Variants in CSMD1 observed in about 807,000 individuals in gnomAD.
CSMD1 encodes the protein CUB and sushi domain-containing protein 1.
CSMD1 carries 213 observed loss-of-function variants against 417.5 expected under a neutral mutation model. The ratio of observed to expected loss-of-function variants is 0.51; its 90% CI spans 0.46 to 0.57. The LOEUF (loss-of-function observed/expected upper bound fraction) is 0.57. Among genes scored for constraint, CSMD1 ranks in the 20% least tolerant of loss-of-function variants. The probability of loss-of-function intolerance (pLI) is 0.00; values close to 1 mark genes in which losing one functional copy is unlikely to be tolerated. For synonymous variants in CSMD1, 2,862 were observed against 1,736.8 expected, an observed-to-expected ratio of 1.65 and a Z score of -16.11; for missense variants, 6,923 against 4,529.7, an observed-to-expected ratio of 1.53 and a Z score of -15.17.
intron 6 of CSMD1, among the ~76,000 whole-genome samples, chr8:3,748,604 T>A (rs763870041): frequency 6.6e-6 from 1 of 152,220 alleles, no homozygotes; most frequent in Non-Finnish European, 1.5e-5. Flanking sequence ...GCCACCAGAA[T>A]CCAGGTATAC....
intron 7 of CSMD1, 108 bp downstream of exon 7, chr8:3,708,306 A>G (rs1256791240): frequency 1.2e-6 from 1 of 802,050 alleles, no homozygotes; most frequent in East Asian, 2.5e-5. Context: ...AAAAGAAGGA[A>G]GAGATAACGT....
intron 3 of CSMD1, among the ~76,000 whole-genome samples, chr8:4,324,007 C>T (rs896204041): frequency 1.3e-5 from 2 of 152,150 alleles, no homozygotes; most frequent in Non-Finnish European, 2.9e-5. Flanking sequence ...CTGGGAATGG[C>T]AGGCACAGCC....
At chr8:4,123,804 T>C (rs1043701101) in intron 3 of CSMD1, among the ~76,000 whole-genome samples, 1 of 152,084 alleles carries the variant, frequency 6.6e-6, no homozygotes, top group African/African-American at 2.4e-5. Context: ...TAAAATATAA[T>C]AGAGAACTAA....
chr8:4,956,500 T>C (rs544353268), intron 1 of CSMD1, among the ~76,000 whole-genome samples: 1 of 148,874 alleles, frequency 6.7e-6, no homozygotes, highest in African/African-American at 2.4e-5. Flanking sequence ...TAAAAATATA[T>C]GTTATCATAT....
chr8:3,645,601 C>G (rs549106198), intron 7 of CSMD1, among the ~76,000 whole-genome samples: 14 of 152,274 alleles, frequency 9.2e-5, no homozygotes, highest in Admixed American at 7.8e-4. Flanking sequence ...AGTCAGCCTT[C>G]TGCAAGGGAT....
At chr8:4,128,061 G>C (rs574622913) in intron 3 of CSMD1, among the ~76,000 whole-genome samples, 5 of 152,298 alleles carry the variant, frequency 3.3e-5, no homozygotes, top group Admixed American at 2.6e-4. Context: ...CTCAAGAGCA[G>C]TGGACAAGAC....
At chr8:3,719,522 G>C (rs75149744) in intron 6 of CSMD1, among the ~76,000 whole-genome samples, 2 of 152,166 alleles carry the variant, frequency 1.3e-5, no homozygotes, top group Non-Finnish European at 2.9e-5. Flanking sequence ...TTACAATGAA[G>C]ACTTTGGGAA....
chr8:4,577,449 C>G (rs777434295), intron 2 of CSMD1, among the ~76,000 whole-genome samples: 2 of 152,270 alleles, frequency 1.3e-5, no homozygotes, highest in South Asian at 2.1e-4. Context: ...CCAACAGGCT[C>G]CCAGCTCCAA....
chr8:4,018,120 A>G lies in CSMD1; in HGVS notation c.610+13785T>C, dbSNP rs146399252. 5.3e-3 allele frequency among the ~76,000 whole-genome samples: 805 copies of G among 152,332 alleles called. 9 individuals carry two copies. The highest frequency in any genetic ancestry group is 0.018 in the African/African-American group (747 of 41,560). ...TATTGTATGGCATAAAGTATCCTAC[A>G]AAGTGTTTTGTGTGTTTTTATGTCT... On this transcript the variant is annotated intron_variant, in intron 4 of 69. Transcript: ENST00000635120.
intron 5 of CSMD1, among the ~76,000 whole-genome samples, chr8:3,885,261 T>C (rs1001597872): frequency 6.6e-6 from 1 of 152,156 alleles, no homozygotes; most frequent in African/African-American, 2.4e-5. Context: ...GAAAAGCCTC[T>C]AGCATCAGAC....
intron 3 of CSMD1, among the ~76,000 whole-genome samples, chr8:4,193,083 G>A (rs953408808): frequency 2.6e-5 from 4 of 152,060 alleles, no homozygotes; most frequent in Non-Finnish European, 5.9e-5. Context: ...CATCTTTTGA[G>A]CAGTGACATG....
chr8:3,288,607 C>T (rs1803325530), intron 25 of CSMD1, among the ~76,000 whole-genome samples: 1 of 147,268 alleles, frequency 6.8e-6, no homozygotes, highest in African/African-American at 2.7e-5. Flanking sequence ...ATAGTATTCT[C>T]TGATGGTAGT....
At chr8:3,731,259 C>T (rs1796235570) in intron 6 of CSMD1, among the ~76,000 whole-genome samples, 1 of 152,228 alleles carries the variant, frequency 6.6e-6, no homozygotes, top group Admixed American at 6.5e-5. Context: ...GTGCATTCTA[C>T]ATTGACCAGC....
chr8:3,481,167 AAAAAAAAAAAAAC>A (rs1424240639), intron 11 of CSMD1, among the ~76,000 whole-genome samples: 1 of 149,222 alleles, frequency 6.7e-6, no homozygotes, highest in Non-Finnish European at 1.5e-5. Flanking sequence ...AAAAAAAAAA[AAAAAAAAAAAAAC>A]CAGAGTAGTT....
At chr8:2,973,824 G>C (rs1001743297) in intron 56 of CSMD1, among the ~76,000 whole-genome samples, 2 of 151,630 alleles carry the variant, frequency 1.3e-5, no homozygotes, top group African/African-American at 4.9e-5. Context: ...TGGTGGTAGA[G>C]GATGATGGTA....
chr8:4,020,950 C>T (rs2554588), intron 4 of CSMD1, among the ~76,000 whole-genome samples: 48,265 of 151,876 alleles, frequency 0.32, 8,801 homozygotes, highest in South Asian at 0.54. Context: ...CACATTGTGA[C>T]GTGGACTTTG....
chr8:3,223,774 C>G lies in CSMD1; in HGVS notation c.4439G>C (p.Arg1480Thr), dbSNP rs748250994. ...GACAAAGTCCGGGTTCACTTTTACT[C>G]TCCAGTCACATTCCTTCCCAGGAGG... ...PYPPGKECDW[R>T]VKVNPDFVIA... The change falls in exon 28 of 70, where the codon AGA becomes ACA. Residue 1480 changes from arginine (R) to threonine (T), a missense_variant. By Grantham distance (71) the Arg-to-Thr change is moderately conservative. Transcript: ENST00000635120. The G allele has an allele frequency of 2.4e-5, 38 of 1,613,830 alleles. No homozygotes were observed. The highest frequency in any genetic ancestry group is 3.1e-5 in the Non-Finnish European group (36 of 1,179,858).
intron 1 of CSMD1, among the ~76,000 whole-genome samples, chr8:4,808,356 G>C (rs1798706417): frequency 1.3e-5 from 2 of 152,166 alleles, no homozygotes; most frequent in African/African-American, 2.4e-5. Flanking sequence ...ACAATCATTG[G>C]TAGGGCACTA....
intron 1 of CSMD1, among the ~76,000 whole-genome samples, chr8:4,897,454 T>A (rs550057357): frequency 1.3e-5 from 2 of 152,212 alleles, no homozygotes; most frequent in African/African-American, 4.8e-5. Flanking sequence ...CACTTGCTGA[T>A]GGGAATATCT....
Sources: gnomAD v4.1 joint callset for allele counts (sites outside exome capture counted in the v4.1 genomes callset) on GRCh38, gnomAD v4.1.1 for gene constraint, MANE v1.5 for transcripts, NCBI Gene and HGNC (gene_info 2026-07-23, HGNC 2026-07-21) for gene names.